MYOM1: variants seen among roughly 807,000 people sequenced by gnomAD.
MYOM1 encodes the protein myomesin 1.
In MYOM1, 164 loss-of-function variants were observed where a neutral mutation model predicts 205.3. That is an observed-to-expected ratio of 0.80 (90% CI 0.70 to 0.91). MYOM1 has a LOEUF of 0.91. MYOM1 is among the 40% of genes least tolerant of loss of function. The probability of loss-of-function intolerance (pLI) is 0.00; values close to 1 mark genes in which losing one functional copy is unlikely to be tolerated. For missense variants in MYOM1, 2,011 were observed against 2,127.3 expected (o/e 0.95, Z 1.08); for synonymous variants, 772 against 789.4 (o/e 0.98, Z 0.37).
the MYOM1 span, among the ~76,000 whole-genome samples, chr18:3,241,574 T>A: frequency 2.6e-5 from 4 of 152,326 alleles, no homozygotes; most frequent in South Asian, 8.3e-4. Flanking sequence ...GGGGCCCTCA[T>A]GGAGAACCTC....
At position 3,152,112 on chromosome 18, in the gene MYOM1, G is replaced by A. The variant is rs1414121643; in HGVS notation, c.1644-219C>T. Among the ~76,000 whole-genome samples, 1 of 152,072 alleles carries A rather than the reference G, an allele frequency of 6.6e-6. No individual in the cohort carries two copies. ...AGGAAAGAAGCCTCAGGTCCTTCCT[G>A]AACTCGTAAAAAGCAGGCATCTGAG... On this transcript the variant is annotated intron_variant, in intron 11 of 37. Coordinates refer to ENST00000356443, the MANE Select transcript of MYOM1 (RefSeq NM_003803.4). This position sits in a 1 kb window ranked among gnomAD's most constrained non-coding sequence, Gnocchi z 4.3.
At position 3,100,423 on chromosome 18, in the gene MYOM1, C is replaced by A. The variant is rs575759850; in HGVS notation, c.3579G>T (p.Thr1193=). The change falls in exon 24 of 38, where the codon ACG becomes ACT. Residue 1193 remains threonine (T), a synonymous_variant. Transcript: ENST00000356443. ...TCCCAAGGTCTTTGAAGGTCATTTT[C>A]GTCCTTCGGAACAAAATATTTTTCT... ...RLEVESKGNK[T]KMTFKDLGMD... is the part of the protein sequence containing the mutation. 1.2e-6 allele frequency: 2 copies of A among 1,612,110 alleles called. No homozygotes were observed. The highest frequency in any genetic ancestry group is 1.7e-6 in the Non-Finnish European group (2 of 1,178,628).
chr18:3,245,222 T>C, the MYOM1 span, among the ~76,000 whole-genome samples: 2 of 152,178 alleles, frequency 1.3e-5, no homozygotes, highest in African/African-American at 4.8e-5. Flanking sequence ...ACATTATAGG[T>C]AGTCAAGTAT....
intron 2 of MYOM1, among the ~76,000 whole-genome samples, chr18:3,197,524 T>C (rs1307469024): frequency 1.3e-5 from 2 of 152,230 alleles, no homozygotes; most frequent in African/African-American, 4.8e-5. Context: ...TCTAATTTTA[T>C]GAAACATTCA....
At chr18:3,087,319 C>CT (rs5822733) in intron 29 of MYOM1, among the ~76,000 whole-genome samples, 7,830 of 144,126 alleles carry the variant, frequency 0.054, 360 homozygotes, top group African/African-American at 0.13. Flanking sequence ...TTTTTTTGGG[C>CT]TTTTTTTTTT....
chr18:3,177,441 ATATCATTATTAT>A (rs1567951921), intron 5 of MYOM1, among the ~76,000 whole-genome samples: 1 of 117,220 alleles, frequency 8.5e-6, no homozygotes, highest in African/African-American at 3.3e-5. Context: ...GTTAGAAGCA[ATATCATTATTAT>A]TATTATTATT....
In MYOM1 at chr18:3,215,258, GAA is replaced by G; in HGVS notation, c.-28-9_-28-8del. The G allele has an allele frequency of 6.4e-7, 1 of 1,561,466 alleles. No individual in the cohort carries two copies. The highest frequency in any genetic ancestry group is 1.7e-4 in the Middle Eastern group (1 of 5,942). ...CTTGAAGGAACCGGGCCACCTGAAG[GAA>G]AACAACACTTTTTGAGTGACTTATT... On this transcript the variant is annotated splice_polypyrimidine_tract_variant and splice_region_variant and intron_variant, in intron 1 of 37. Transcript: ENST00000356443.
chr18:3,147,652 G>A (rs1024327329), intron 13 of MYOM1, among the ~76,000 whole-genome samples: 1 of 151,968 alleles, frequency 6.6e-6, no homozygotes, highest in African/African-American at 2.4e-5. Flanking sequence ...TGATGGAAGG[G>A]GAAAAAAATT....
At chr18:3,068,170 G>A (rs1312695422) in intron 37 of MYOM1, among the ~76,000 whole-genome samples, 2 of 152,032 alleles carry the variant, frequency 1.3e-5, no homozygotes, top group African/African-American at 4.8e-5. Flanking sequence ...CGATATTCTA[G>A]ATATGTATGT....
chr18:3,088,821 C>T (rs771908358), intron 29 of MYOM1, among the ~76,000 whole-genome samples: 4 of 152,126 alleles, frequency 2.6e-5, no homozygotes, highest in East Asian at 1.9e-4. Context: ...GCAAGGTCCA[C>T]GAAACATTGC....
At chr18:3,104,743 A>ATTT (rs2079428114) in intron 22 of MYOM1, among the ~76,000 whole-genome samples, 1 of 98,642 alleles carries the variant, frequency 1.0e-5, no homozygotes, top group African/African-American at 4.1e-5. Context: ...GGGAATTGGA[A>ATTT]TCTTTTTTTT....
rs765766134 is a variant in MYOM1 at position 3,131,436 on chromosome 18, A to T, written c.2445T>A (p.Asn815Lys). 1 of 1,613,954 alleles carries T rather than the reference A, an allele frequency of 6.2e-7. No homozygotes were observed. The highest frequency in any genetic ancestry group is 1.7e-5 in the Admixed American group (1 of 60,020). Residue 815 changes from asparagine (N) to lysine (K), a missense_variant, in exon 17 of 38, where the codon AAT (asparagine) becomes AAA (lysine). Asn to Lys is a moderately conservative substitution (Grantham distance 94, BLOSUM62 0). Transcript: ENST00000356443. ...QSYIFRVRAV[N>K]AAGLSEYSQD... ...GGGAATATTCACTAAGTCCAGCTGCATTGACTGCTCTGACCCGGAAAATAT... is the reference window on the plus strand; with the variant it reads ...GGGAATATTCACTAAGTCCAGCTGCTTTGACTGCTCTGACCCGGAAAATAT...
At chr18:3,067,792 G>A (rs1339413091) in intron 37 of MYOM1, among the ~76,000 whole-genome samples, 2 of 152,094 alleles carry the variant, frequency 1.3e-5, no homozygotes, top group Non-Finnish European at 2.9e-5. Flanking sequence ...ATGCTTTCTG[G>A]CTTCTGGAAT....
intron 26 of MYOM1, among the ~76,000 whole-genome samples, chr18:3,092,081 C>T (rs1473842102): frequency 6.6e-6 from 1 of 152,080 alleles, no homozygotes; most frequent in Admixed American, 6.5e-5. Context: ...GCAGCAGAGG[C>T]AGGTATCTTG....
At chr18:3,147,097 G>T (rs1000255550) in intron 13 of MYOM1, among the ~76,000 whole-genome samples, 4 of 137,488 alleles carry the variant, frequency 2.9e-5, no homozygotes, top group South Asian at 2.2e-4. Context: ...ATACATTATA[G>T]ATAAATATAT....
At position 3,094,413 on chromosome 18, in the gene MYOM1, A is replaced by C. The variant is rs1226980098; in HGVS notation, c.3728-107T>G. The C allele has an allele frequency of 1.2e-5, 14 of 1,166,034 alleles. No individual in the cohort carries two copies. In the African/African-American group the frequency reaches 1.9e-4, roughly 16 times the overall value. 72.2% of individuals were successfully genotyped at this position (1,166,034 alleles called of 1,614,324 possible). On this transcript the variant is annotated intron_variant, in intron 25 of 37. Coordinates refer to ENST00000356443, the MANE Select transcript of MYOM1 (RefSeq NM_003803.4). ...AAAAAAACCACACAATGGAAATGAC[A>C]ATGTAGCACCTGCTTCTTGCAAAGC...
chr18:3,072,908 G>A (rs532583591), intron 36 of MYOM1, among the ~76,000 whole-genome samples: 1 of 151,390 alleles, frequency 6.6e-6, no homozygotes, highest in Admixed American at 6.6e-5. Flanking sequence ...TCCATATGAT[G>A]AGAAAAGGTT....
intron 37 of MYOM1, among the ~76,000 whole-genome samples, chr18:3,069,958 A>G (rs961775426): frequency 6.6e-6 from 1 of 152,150 alleles, no homozygotes; most frequent in Non-Finnish European, 1.5e-5. Context: ...CCGTGATCAT[A>G]TTTTCCAACC....
chr18:3,128,844 T>G (rs1415537077), intron 18 of MYOM1, among the ~76,000 whole-genome samples: 1 of 152,182 alleles, frequency 6.6e-6, no homozygotes, highest in Non-Finnish European at 1.5e-5. Flanking sequence ...TGTGAGATCT[T>G]TCTCCTCTAC....
Sources: gnomAD v4.1 joint callset for allele counts (sites outside exome capture counted in the v4.1 genomes callset) on GRCh38, gnomAD v4.1.1 for gene constraint, Gnocchi (gnomAD v3.1) non-coding constraint, MANE v1.5 for transcripts, NCBI Gene and HGNC (gene_info 2026-07-23, HGNC 2026-07-21) for gene names.